RIN3: variants seen among roughly 807,000 people sequenced by gnomAD.
RIN3 encodes Ras and Rab interactor 3, also known as RAB5 interacting protein 3.
In RIN3, 54 loss-of-function variants were observed where a neutral mutation model predicts 76.3. The observed-to-expected ratio is 0.71, with a 90% CI of 0.57 to 0.89. RIN3 has a LOEUF of 0.89. RIN3 is among the 40% of genes least tolerant of loss of function. RIN3 has a pLI of 0.00. For synonymous variants in RIN3, 576 were observed against 564.0 expected (o/e 1.02, Z -0.30); for missense variants, 1,256 against 1,322.1 (o/e 0.95, Z 0.78).
At position 92,616,888 on chromosome 14, in the gene RIN3, G is replaced by T. The variant is rs377543281; in HGVS notation, c.440+1409G>T. 2.8e-4 allele frequency among the ~76,000 whole-genome samples: 43 copies of T among 152,326 alleles called. 1 individual carries two copies. Among genetic ancestry groups the T allele is most frequent in the African/African-American group, 9.9e-4 (41 of 41,578 alleles). On this transcript the variant is annotated intron_variant, in intron 4 of 9. Transcript: ENST00000216487. ...AGGAGAAAAGAAGAAAACCTGGTCT[G>T]TTCTAAAACCTATGTGTTTCCTTAA...
At chr14:92,647,695 G>A (rs1887251012) in intron 5 of RIN3, among the ~76,000 whole-genome samples, 3 of 152,092 alleles carry the variant, frequency 2.0e-5, no homozygotes. Flanking sequence ...GTGGCATCTG[G>A]AACACTTTGC....
chr14:92,610,304 T>C (rs1201425156), intron 3 of RIN3, among the ~76,000 whole-genome samples: 1 of 152,192 alleles, frequency 6.6e-6, no homozygotes, highest in Non-Finnish European at 1.5e-5. Flanking sequence ...ATGAAGCCCA[T>C]ACCATTTAGC....
intron 2 of RIN3, among the ~76,000 whole-genome samples, chr14:92,564,532 A>G (rs1352449490): frequency 2.0e-5 from 3 of 152,180 alleles, no homozygotes; most frequent in Non-Finnish European, 4.4e-5. Context: ...TATAGACTGG[A>G]AAAAGCCAGC....
At chr14:92,518,582 A>G (rs560273085) in intron 1 of RIN3, among the ~76,000 whole-genome samples, 1 of 152,008 alleles carries the variant, frequency 6.6e-6, no homozygotes, top group South Asian at 2.1e-4. Context: ...CTTGGCCCCA[A>G]CTCCCCTAAT....
At chr14:92,651,138 G>A (rs1224466633) in intron 5 of RIN3, among the ~76,000 whole-genome samples, 2 of 152,140 alleles carry the variant, frequency 1.3e-5, no homozygotes, top group African/African-American at 2.4e-5. Flanking sequence ...ACTAGACTGA[G>A]GCCTAGGAAG....
At chr14:92,538,060 T>C (rs950856744) in intron 1 of RIN3, among the ~76,000 whole-genome samples, 40 of 151,852 alleles carry the variant, frequency 2.6e-4, no homozygotes, top group African/African-American at 9.4e-4. Flanking sequence ...CTCTTGACCT[T>C]GTGATCCACC....
At chr14:92,590,847 C>T (rs1884954354) in intron 3 of RIN3, among the ~76,000 whole-genome samples, 1 of 152,126 alleles carries the variant, frequency 6.6e-6, no homozygotes, top group South Asian at 2.1e-4. Context: ...AGAACTCTCC[C>T]CCTCCCCAAT....
intron 2 of RIN3, among the ~76,000 whole-genome samples, chr14:92,562,211 A>G (rs1897795674): frequency 6.6e-6 from 1 of 152,240 alleles, no homozygotes; most frequent in Non-Finnish European, 1.5e-5. Flanking sequence ...GAGGAAGACC[A>G]CACTGGTAAA....
At chr14:92,654,327 GA>G (rs1300565180) in intron 6 of RIN3, among the ~76,000 whole-genome samples, 3 of 111,044 alleles carry the variant, frequency 2.7e-5, no homozygotes, top group East Asian at 4.4e-4. Context: ...AAAAAAAAAA[GA>G]AAAGAAAAGA....
intron 3 of RIN3, among the ~76,000 whole-genome samples, chr14:92,600,020 G>A (rs1885289511): frequency 6.6e-6 from 1 of 152,138 alleles, no homozygotes; most frequent in Admixed American, 6.5e-5. Flanking sequence ...CTGACCTGGG[G>A]CATTTATAGT....
chr14:92,676,472 CAGGG>C lies in RIN3; in HGVS notation c.2336-1_2338del. The C allele has an allele frequency of 6.2e-7, 1 of 1,613,470 alleles. No homozygotes were observed. The highest frequency in any genetic ancestry group is 2.2e-5 in the East Asian group (1 of 44,856). ...TCTCCCTCTGCCTCCTTCTTCTTCC[CAGGG>C]AAGCCCTATGGGGCGGATGACTTCC... On this transcript the variant is annotated splice_acceptor_variant and coding_sequence_variant, in exon 8 of 10. Coordinates refer to ENST00000216487, the MANE Select transcript of RIN3 (RefSeq NM_024832.5). LOFTEE classifies it high-confidence loss of function.
chr14:92,584,448 G>A (rs1056494460), intron 3 of RIN3, among the ~76,000 whole-genome samples: 23 of 152,174 alleles, frequency 1.5e-4, no homozygotes, highest in East Asian at 9.6e-4. Flanking sequence ...CTAATCCTCC[G>A]GCAAGCATGT....
intron 4 of RIN3, among the ~76,000 whole-genome samples, chr14:92,635,268 G>C (rs1886734190): frequency 6.6e-6 from 1 of 152,214 alleles, no homozygotes; most frequent in South Asian, 2.1e-4. Context: ...TGGGCAATTT[G>C]CCCAGGCTCC....
At chr14:92,579,962 A>T (rs1898382792) in intron 3 of RIN3, among the ~76,000 whole-genome samples, 1 of 152,260 alleles carries the variant, frequency 6.6e-6, no homozygotes, top group Non-Finnish European at 1.5e-5. Context: ...TGAGTATATT[A>T]GTTCAATTGA....
intron 7 of RIN3, among the ~76,000 whole-genome samples, chr14:92,671,697 G>A (rs1023946737): frequency 3.3e-5 from 5 of 152,078 alleles, no homozygotes; most frequent in African/African-American, 9.7e-5. Flanking sequence ...GGCCGGCCCC[G>A]AAGTCCTCAG....
At chr14:92,582,950 G>A (rs1884611048) in intron 3 of RIN3, among the ~76,000 whole-genome samples, 1 of 152,192 alleles carries the variant, frequency 6.6e-6, no homozygotes, top group African/African-American at 2.4e-5. Flanking sequence ...GACCATGGAA[G>A]CCACACAGCT....
chr14:92,567,996 C>A (rs971467222), intron 2 of RIN3, among the ~76,000 whole-genome samples: 3 of 152,100 alleles, frequency 2.0e-5, no homozygotes, highest in Non-Finnish European at 4.4e-5. Flanking sequence ...CTCACAGCAA[C>A]CCTGAATGAT....
At chr14:92,628,729 G>T (rs191219229) in intron 4 of RIN3, among the ~76,000 whole-genome samples, 1 of 152,280 alleles carries the variant, frequency 6.6e-6, no homozygotes, top group African/African-American at 2.4e-5. Flanking sequence ...TTTAAGTCCT[G>T]AAACATGCGA....
intron 1 of RIN3, among the ~76,000 whole-genome samples, chr14:92,522,154 G>T (rs1896618287): frequency 6.6e-6 from 1 of 152,048 alleles, no homozygotes; most frequent in South Asian, 2.1e-4. Flanking sequence ...GTTCTTCCGG[G>T]CAAGACACTG....
Sources: gnomAD v4.1 joint callset for allele counts (sites outside exome capture counted in the v4.1 genomes callset) on GRCh38, gnomAD v4.1.1 for gene constraint, MANE v1.5 for transcripts, NCBI Gene and HGNC (gene_info 2026-07-23, HGNC 2026-07-21) for gene names.